Variants in TMEM163 observed in about 807,000 individuals in gnomAD.
The protein encoded by TMEM163 is transmembrane protein 163.
A neutral mutation model predicts 29.3 loss-of-function variants in TMEM163; 17 were observed. The observed-to-expected ratio is 0.58, with a 90% CI of 0.40 to 0.87. The LOEUF is 0.87. Among genes scored for constraint, TMEM163 ranks in the 40% least tolerant of loss-of-function variants. The probability of loss-of-function intolerance (pLI) is 0.00; values close to 1 mark genes in which losing one functional copy is unlikely to be tolerated. For synonymous variants in TMEM163, 157 were observed against 160.6 expected, an observed-to-expected ratio of 0.98 and a Z score of 0.17; for missense variants, 303 against 381.5, an observed-to-expected ratio of 0.79 and a Z score of 1.71.
At chr2:134,484,463 G>C (rs1679269192) in intron 5 of TMEM163, among the ~76,000 whole-genome samples, 2 of 152,102 alleles carry the variant, frequency 1.3e-5, no homozygotes, top group African/African-American at 4.8e-5. Context: ...AGGATTACTT[G>C]AACTCAAAAC....
chr2:134,687,715 T>C (rs1020556299), intron 2 of TMEM163, among the ~76,000 whole-genome samples: 3 of 152,184 alleles, frequency 2.0e-5, no homozygotes, highest in Non-Finnish European at 2.9e-5. Flanking sequence ...CCTACTTAGA[T>C]ACCCTGGACT....
intron 4 of TMEM163, among the ~76,000 whole-genome samples, chr2:134,507,344 AT>A (rs1415426167): frequency 3.3e-4 from 18 of 55,296 alleles, no homozygotes; most frequent in African/African-American, 1.1e-3. Flanking sequence ...CTCTAAATAA[AT>A]AAATAAATAA....
chr2:134,627,893 T>C (rs921737570), intron 2 of TMEM163, among the ~76,000 whole-genome samples: 2 of 152,220 alleles, frequency 1.3e-5, no homozygotes, highest in Admixed American at 1.3e-4. Flanking sequence ...TTTGAAATGA[T>C]GCTCTTCAAT....
At chr2:134,590,609 T>C (rs1045685565) in intron 2 of TMEM163, among the ~76,000 whole-genome samples, 1 of 152,284 alleles carries the variant, frequency 6.6e-6, no homozygotes, top group East Asian at 1.9e-4. Context: ...ATTAAGAAAG[T>C]AAAGGAATAA....
intron 4 of TMEM163, among the ~76,000 whole-genome samples, chr2:134,543,653 T>C (rs1680723062): frequency 6.6e-6 from 1 of 152,246 alleles, no homozygotes; most frequent in African/African-American, 2.4e-5. Context: ...TCTGGAGTTG[T>C]TTCCAAAAGC....
intron 2 of TMEM163, among the ~76,000 whole-genome samples, chr2:134,553,173 C>T (rs1574232053): frequency 6.6e-6 from 1 of 152,202 alleles, no homozygotes; most frequent in South Asian, 2.1e-4. Context: ...GTGGCTTGTT[C>T]CCAGGCCTAC....
At chr2:134,534,765 A>C (rs1680494490) in intron 4 of TMEM163, among the ~76,000 whole-genome samples, 1 of 152,126 alleles carries the variant, frequency 6.6e-6, no homozygotes, top group Non-Finnish European at 1.5e-5. Context: ...AAAATAAAAT[A>C]AAATAAAATA....
At chr2:134,627,217 C>T (rs954937019) in intron 2 of TMEM163, among the ~76,000 whole-genome samples, 17 of 152,086 alleles carry the variant, frequency 1.1e-4, no homozygotes, top group African/African-American at 3.9e-4. Flanking sequence ...GCATTTCATC[C>T]TATGCATTTG....
intron 2 of TMEM163, among the ~76,000 whole-genome samples, chr2:134,662,942 C>T (rs1464050017): frequency 6.6e-6 from 1 of 152,144 alleles, no homozygotes; most frequent in East Asian, 1.9e-4. Flanking sequence ...CCATGCCCAC[C>T]CCACCAGTTC....
chr2:134,484,135 C>A (rs919810761), intron 5 of TMEM163, among the ~76,000 whole-genome samples: 1 of 151,950 alleles, frequency 6.6e-6, no homozygotes, highest in Non-Finnish European at 1.5e-5. Flanking sequence ...GGTAAGAATC[C>A]CTCTCAAAAG....
intron 2 of TMEM163, among the ~76,000 whole-genome samples, chr2:134,596,460 C>G (rs1220789071): frequency 2.6e-5 from 4 of 152,128 alleles, no homozygotes; most frequent in African/African-American, 9.7e-5. Context: ...CTGTTCTGTT[C>G]CATTGGTCTG....
intron 5 of TMEM163, among the ~76,000 whole-genome samples, chr2:134,488,409 T>C (rs1309595436): frequency 6.6e-6 from 1 of 152,190 alleles, no homozygotes. Flanking sequence ...CTTCCAGCCT[T>C]CATCTTTCTC....
At chr2:134,656,142 C>T (rs1242649855) in intron 2 of TMEM163, among the ~76,000 whole-genome samples, 2 of 144,442 alleles carry the variant, frequency 1.4e-5, no homozygotes, top group Non-Finnish European at 3.0e-5. Context: ...CGCCCCTCCC[C>T]CAGCCTCGCT....
At chr2:134,516,722 C>CTATTCAT in intron 4 of TMEM163, among the ~76,000 whole-genome samples, 2 of 99,648 alleles carry the variant, frequency 2.0e-5, no homozygotes, top group African/African-American at 7.6e-5. Flanking sequence ...CATATATATT[C>CTATTCAT]ATATATATGC....
intron 5 of TMEM163, among the ~76,000 whole-genome samples, chr2:134,485,596 A>G (rs1679289758): frequency 6.6e-6 from 1 of 152,196 alleles, no homozygotes; most frequent in South Asian, 2.1e-4. Flanking sequence ...TTCCTCCGGG[A>G]AACCTCGTTC....
intron 2 of TMEM163, among the ~76,000 whole-genome samples, chr2:134,618,249 G>A (rs1361537133): frequency 6.6e-6 from 1 of 152,084 alleles, no homozygotes; most frequent in Non-Finnish European, 1.5e-5. Flanking sequence ...AACCATAAGA[G>A]ACCTATAGTG....
At chr2:134,564,897 G>A (rs1419604500) in intron 2 of TMEM163, among the ~76,000 whole-genome samples, 1 of 152,222 alleles carries the variant, frequency 6.6e-6, no homozygotes, top group African/African-American at 2.4e-5. Context: ...GCTGGTGGAA[G>A]TGTAAAACAG....
At chr2:134,563,394 G>C (rs2104779124) in intron 2 of TMEM163, among the ~76,000 whole-genome samples, 1 of 152,238 alleles carries the variant, frequency 6.6e-6, no homozygotes, top group South Asian at 2.1e-4. Context: ...ACAGAATAGG[G>C]GAACTAGAAA....
chr2:134,659,316 A>G (rs1574317961), intron 2 of TMEM163, among the ~76,000 whole-genome samples: 1 of 152,292 alleles, frequency 6.6e-6, no homozygotes, highest in East Asian at 1.9e-4. Flanking sequence ...GCAGCACACA[A>G]CTGTACTTCA....
Sources: gnomAD v4.1 joint callset for allele counts (sites outside exome capture counted in the v4.1 genomes callset) on GRCh38, gnomAD v4.1.1 for gene constraint, MANE v1.5 for transcripts, NCBI Gene and HGNC (gene_info 2026-07-23, HGNC 2026-07-21) for gene names.